The following CACNB4 variants were observed in gnomAD, a reference collection of about 807,000 sequenced individuals.
The protein encoded by CACNB4 is calcium voltage-gated channel auxiliary subunit beta 4, also known as voltage-dependent L-type calcium channel subunit beta-4.
In CACNB4, 32 loss-of-function variants were observed where a neutral mutation model predicts 71.2. The observed-to-expected ratio is 0.45, with a 90% CI of 0.34 to 0.60. The LOEUF (loss-of-function observed/expected upper bound fraction) is 0.60, where lower values mean the gene tolerates loss of function less well. CACNB4 is among the 20% of genes least tolerant of loss of function. The pLI is 0.01. For synonymous variants in CACNB4, 231 were observed against 236.9 expected (o/e 0.97, Z 0.23); for missense variants, 464 against 647.9 (o/e 0.72, Z 3.08).
chr2:151,929,373 T>A (rs950146192), intron 2 of CACNB4, among the ~76,000 whole-genome samples: 1 of 152,218 alleles, frequency 6.6e-6, no homozygotes, highest in African/African-American at 2.4e-5. Context: ...CCTTACTATA[T>A]GTAATGTTCT....
chr2:151,974,374 G>A (rs1299797860), intron 2 of CACNB4, among the ~76,000 whole-genome samples: 5 of 152,102 alleles, frequency 3.3e-5, no homozygotes, highest in African/African-American at 9.7e-5. Flanking sequence ...TACACCCAAT[G>A]TGAAGAAAAA....
At chr2:151,926,452 G>A (rs2099860290) in intron 2 of CACNB4, among the ~76,000 whole-genome samples, 1 of 152,170 alleles carries the variant, frequency 6.6e-6, no homozygotes, top group Non-Finnish European at 1.5e-5. Context: ...GTGAAGAGAA[G>A]TAGAAGGCAG....
chr2:151,883,047 A>G (rs1439022155), intron 3 of CACNB4: 2 of 564,414 alleles, frequency 3.5e-6, no homozygotes, highest in Non-Finnish European at 6.3e-6. Context: ...CCAAATACAA[A>G]AAGGTGAAGG....
rs1209369322 is a variant in CACNB4 at position 151,836,843 on chromosome 2, T to C, written c.*2276A>G. The C allele has an allele frequency of 6.6e-6, 1 of 152,018 alleles. No homozygotes were observed. The highest frequency in any genetic ancestry group is 2.4e-5 in the African/African-American group (1 of 41,442). 9.4% of individuals were successfully genotyped at this position (152,018 alleles called of 1,614,324 possible). A position where few individuals can be genotyped will look rare whatever the true frequency, so the allele number is the denominator to read the frequency against. ...GCCATAAAATGTAAGTATCTTAAAG[T>C]AGTTAAATGACCAAACTGCTAATGC... On this transcript the variant is annotated 3_prime_UTR_variant, in exon 14 of 14. Coordinates refer to ENST00000539935, the MANE Select transcript of CACNB4 (RefSeq NM_000726.5).
At chr2:151,994,523 T>C (rs1681931041) in intron 2 of CACNB4, among the ~76,000 whole-genome samples, 1 of 150,938 alleles carries the variant, frequency 6.6e-6, no homozygotes, top group South Asian at 2.1e-4. Flanking sequence ...TCCCCCCTTT[T>C]TTTTTTGAGG....
At chr2:152,022,417 T>C (rs1389445411) in intron 2 of CACNB4, among the ~76,000 whole-genome samples, 6 of 152,200 alleles carry the variant, frequency 3.9e-5, no homozygotes, top group Non-Finnish European at 8.8e-5. Context: ...TCAGAGTGCT[T>C]TGCAAAAAGC....
At chr2:152,022,571 T>C (rs1256485452) in intron 2 of CACNB4, among the ~76,000 whole-genome samples, 1 of 152,156 alleles carries the variant, frequency 6.6e-6, no homozygotes, top group Non-Finnish European at 1.5e-5. Context: ...ATGTCACAGA[T>C]CTCTATTTTT....
chr2:151,906,433 A>C (rs2099854839), intron 2 of CACNB4, among the ~76,000 whole-genome samples: 2 of 152,206 alleles, frequency 1.3e-5, no homozygotes, highest in South Asian at 4.1e-4. Flanking sequence ...TTTAAAAATA[A>C]ACCACTGTTC....
At chr2:151,973,360 A>T in intron 2 of CACNB4, 1 of 349,966 alleles carries the variant, frequency 2.9e-6, no homozygotes, top group South Asian at 5.5e-5. Flanking sequence ...AGTTTAAACC[A>T]GTCTGCAAGG....
chr2:151,993,693 T>C (rs1328507944), intron 2 of CACNB4, among the ~76,000 whole-genome samples: 1 of 151,508 alleles, frequency 6.6e-6, no homozygotes, highest in Non-Finnish European at 1.5e-5. Context: ...GCCTCCCGAG[T>C]AGCTGGGAGT....
Position 152,049,398 on chromosome 2 carries a change from G to A in CACNB4, c.147+48932C>T, listed in dbSNP as rs113316380. The stretch of plus-strand genomic sequence containing the variant: ...ACTCCTGACCTCAAGTGATGTGCCC[G>A]CCTCAGCCTCCCAAAGAGCTGGGAT... On this transcript the variant is annotated intron_variant, in intron 2 of 13. Transcript: ENST00000539935. Among the ~76,000 whole-genome samples the A allele has an allele frequency of 4.3e-3, 658 of 152,128 alleles. 4 individuals are homozygous for A. Among genetic ancestry groups the A allele is most frequent in the Middle Eastern group, 0.031 (9 of 294 alleles).
chr2:152,004,250 G>A (rs2151785036), intron 2 of CACNB4, among the ~76,000 whole-genome samples: 1 of 152,220 alleles, frequency 6.6e-6, no homozygotes, highest in South Asian at 2.1e-4. Context: ...CCCTCTGAAT[G>A]AACCCCTGGC....
chr2:151,949,743 T>C (rs2099866454), intron 2 of CACNB4, among the ~76,000 whole-genome samples: 1 of 152,120 alleles, frequency 6.6e-6, no homozygotes, highest in Admixed American at 6.6e-5. Context: ...TGATCAGATT[T>C]GCATTTTAAA....
intron 2 of CACNB4, among the ~76,000 whole-genome samples, chr2:151,982,919 T>C (rs2099874976): frequency 6.6e-6 from 1 of 152,106 alleles, no homozygotes; most frequent in African/African-American, 2.4e-5. Context: ...GAAAAATACA[T>C]ACAGAAAGTA....
rs116145894 is a variant in CACNB4 at position 151,950,766 on chromosome 2, C to T, written c.148-67396G>A. Among the ~76,000 whole-genome samples, 1,229 of 152,210 alleles carry T rather than the reference C, an allele frequency of 8.1e-3. 13 individuals are homozygous for T. Among genetic ancestry groups the T allele is most frequent in the African/African-American group, 0.028 (1,164 of 41,542 alleles). ...GAAATATCCAAAATAAGTAAATCTA[C>T]AGAAACAGAAAGCAGATTGGTGATT... On this transcript the variant is annotated intron_variant, in intron 2 of 13. Coordinates refer to ENST00000539935, the MANE Select transcript of CACNB4 (RefSeq NM_000726.5).
intron 2 of CACNB4, among the ~76,000 whole-genome samples, chr2:151,924,723 T>G (rs944425690): frequency 2.0e-5 from 3 of 152,192 alleles, no homozygotes; most frequent in Admixed American, 2.0e-4. Context: ...TTAGGAAGTT[T>G]CAGAACAGAT....
At chr2:152,091,343 T>C (rs1185876224) in intron 2 of CACNB4, among the ~76,000 whole-genome samples, 1 of 152,190 alleles carries the variant, frequency 6.6e-6, no homozygotes, top group African/African-American at 2.4e-5. Flanking sequence ...GCAAGGAAGG[T>C]CTACTTACAG....
chr2:152,000,811 A>T (rs1682349861), intron 2 of CACNB4, among the ~76,000 whole-genome samples: 1 of 152,140 alleles, frequency 6.6e-6, no homozygotes, highest in Admixed American at 6.5e-5. Flanking sequence ...GGGCTGGGAC[A>T]AGACTGCAGC....
intron 5 of CACNB4, chr2:151,874,859 T>C (rs1314933077): frequency 7.5e-6 from 3 of 397,988 alleles, no homozygotes; most frequent in Non-Finnish European, 1.3e-5. Flanking sequence ...CTGGGACCTT[T>C]AAATACCTGC....
Sources: gnomAD v4.1 joint callset for allele counts (sites outside exome capture counted in the v4.1 genomes callset) on GRCh38, gnomAD v4.1.1 for gene constraint, MANE v1.5 for transcripts, NCBI Gene and HGNC (gene_info 2026-07-23, HGNC 2026-07-21) for gene names.